The following CRNKL1 variants were observed in gnomAD, a reference collection of about 807,000 sequenced individuals.
CRNKL1 encodes the protein crooked neck pre-mRNA splicing factor 1.
Under a neutral mutation model 103.7 loss-of-function variants are expected in CRNKL1, and 35 were observed. That is an observed-to-expected ratio of 0.34 (90% CI 0.26 to 0.45). CRNKL1 has a LOEUF of 0.45. Among genes scored for constraint, CRNKL1 ranks in the 20% least tolerant of loss-of-function variants. CRNKL1 has a pLI of 1.00. For synonymous variants in CRNKL1, 267 were observed against 282.6 expected, an observed-to-expected ratio of 0.94 and a Z score of 0.55; for missense variants, 645 against 836.0, an observed-to-expected ratio of 0.77 and a Z score of 2.82.
chr20:20,038,768 C>T (rs776131445), intron 11 of CRNKL1, among the ~76,000 whole-genome samples: 8 of 152,206 alleles, frequency 5.3e-5, no homozygotes, highest in African/African-American at 2.4e-5. Context: ...TCTAGCCACA[C>T]GCAATTGAGC....
Position 20,039,503 on chromosome 20 carries a change from G to A in CRNKL1, c.1545+106C>T, listed in dbSNP as rs977616480. ...AATCTGAGTAGAAGAGACTAAGTTA[G>A]TTAGATCATCGTTATACTCTAAAAT... On this transcript the variant is annotated intron_variant, in intron 11 of 13. Transcript: ENST00000536226. The A allele has an allele frequency of 3.0e-6, 4 of 1,351,888 alleles. No homozygotes were observed. The Admixed American group carries it at 7.7e-5, about 26-fold the overall frequency. The allele number at this position is 1,351,888 out of a possible 1,614,324, so 83.7% of individuals were successfully genotyped here.
At chr20:20,053,945 C>T (rs2044009793), upstream of CRNKL1, among the ~76,000 whole-genome samples, 1 of 151,502 alleles carries the variant, frequency 6.6e-6, no homozygotes, top group African/African-American at 2.4e-5. Flanking sequence ...CTTCTGATCA[C>T]CATCCTTCTC....
At chr20:20,049,910 C>T (rs1000380367) in intron 2 of CRNKL1, among the ~76,000 whole-genome samples, 3 of 151,960 alleles carry the variant, frequency 2.0e-5, no homozygotes, top group South Asian at 2.1e-4. Flanking sequence ...CTCTGCCTCC[C>T]GAGTTGCTGT....
chr20:20,039,994 A>G (rs2043486528), intron 10 of CRNKL1, 146 bp from the exon 11 acceptor site: 2 of 800,974 alleles, frequency 2.5e-6, no homozygotes, highest in African/African-American at 1.7e-5. Context: ...GTGGTATCAC[A>G]ATGTTTACTG....
chr20:20,048,235 A>G (rs1344380806), intron 4 of CRNKL1, 108 bp downstream of exon 4: 1 of 1,273,990 alleles, frequency 7.8e-7, no homozygotes, highest in Non-Finnish European at 1.1e-6. Flanking sequence ...ATGTCTGAAG[A>G]AAAAGTAGGA....
At position 20,034,625 on chromosome 20, in the gene CRNKL1, G is replaced by A. The variant is rs1023471452; in HGVS notation, c.*1570C>T. ...TTATTTTCATCTCTCCCTGACTCTGGGTGAGCCAAAGGCTATTAAGATGAT... is the reference window on the plus strand; with the variant it reads ...TTATTTTCATCTCTCCCTGACTCTGAGTGAGCCAAAGGCTATTAAGATGAT... On this transcript the variant is annotated 3_prime_UTR_variant, in exon 14 of 14. Coordinates refer to ENST00000536226, the MANE Select transcript of CRNKL1 (RefSeq NM_001278628.2). The A allele has an allele frequency of 6.6e-6, 1 of 152,100 alleles. No homozygotes were observed. Among genetic ancestry groups the A allele is most frequent in the Admixed American group, 6.6e-5 (1 of 15,252 alleles). The allele number at this position is 152,100 out of a possible 1,614,324, so 9.4% of individuals were successfully genotyped here. A position where few individuals can be genotyped will look rare whatever the true frequency, so the allele number is the denominator to read the frequency against.
rs139045525 is a variant in CRNKL1 at position 20,037,381 on chromosome 20, A to G, written c.1838T>C (p.Val613Ala). ...GACTTTCTCTGGCATGAGTTTGTCT[A>G]CTCTCTCCTTATCTGAAGCTGTTCC... ...EFGTASDKER[V>A]DKLMPEKVKK... Residue 613 changes from valine to alanine, a missense_variant, in exon 13 of 14, where the codon GTA becomes GCA. By Grantham distance (64) the Val-to-Ala change is moderately conservative. Transcript: ENST00000536226. The G allele has an allele frequency of 3.1e-6, 5 of 1,613,728 alleles. No homozygotes were observed. Among genetic ancestry groups the G allele is most frequent in the Non-Finnish European group, 4.2e-6 (5 of 1,179,960 alleles).
rs779648844 is a variant in CRNKL1 at position 20,052,442 on chromosome 20, G to A, written c.-100C>T. 71 of 1,614,132 alleles carry A rather than the reference G, an allele frequency of 4.4e-5. 1 individual carries two copies. The highest frequency in any genetic ancestry group is 5.0e-5 in the Non-Finnish European group (59 of 1,180,054). Reference sequence around the variant, plus strand: ...CCACAAAGCTTTCAGAAAACAAACAGGATCTCGGAACCGGAAGCGGAACTT... The same window carrying A: ...CCACAAAGCTTTCAGAAAACAAACAAGATCTCGGAACCGGAAGCGGAACTT... On this transcript the variant is annotated 5_prime_UTR_variant, in exon 1 of 14. Transcript: ENST00000536226.
Position 20,036,178 on chromosome 20 carries a change from T to G in CRNKL1, c.*17A>C. On this transcript the variant is annotated 3_prime_UTR_variant, in exon 14 of 14. Transcript: ENST00000536226. Reference sequence around the variant, plus strand: ...TAATTTATAAAAATAACAAAACATTTGTCTATGAAAAAAAGATCAGGATTC... The same window carrying G: ...TAATTTATAAAAATAACAAAACATTGGTCTATGAAAAAAAGATCAGGATTC... The G allele has an allele frequency of 1.2e-6, 2 of 1,606,544 alleles. No individual in the cohort carries two copies. Among genetic ancestry groups the G allele is most frequent in the Non-Finnish European group, 1.7e-6 (2 of 1,176,366 alleles).
chr20:20,055,661 A>G (rs1300776699), upstream of CRNKL1, among the ~76,000 whole-genome samples: 3 of 152,182 alleles, frequency 2.0e-5, no homozygotes, highest in East Asian at 1.9e-4. Context: ...CAGAATTTTT[A>G]TATACTTGTA....
chr20:20,035,973 T>C lies in CRNKL1; in HGVS notation c.*222A>G. 1 of 497,950 alleles carries C rather than the reference T, an allele frequency of 2.0e-6. No individual in the cohort carries two copies. The highest frequency in any genetic ancestry group is 3.3e-5 in the East Asian group (1 of 30,090). 30.8% of individuals were successfully genotyped at this position (497,950 alleles called of 1,614,324 possible). A position where few individuals can be genotyped will look rare whatever the true frequency, so the allele number is the denominator to read the frequency against. ...GATGTGGACAGACATTAGAAAAGTT[T>C]GGACTCAGTTGGAAAAACAAATCCA... On this transcript the variant is annotated 3_prime_UTR_variant, in exon 14 of 14. Transcript: ENST00000536226.
chr20:20,051,298 G>A (rs537243489), intron 1 of CRNKL1, among the ~76,000 whole-genome samples: 19 of 152,188 alleles, frequency 1.2e-4, no homozygotes, highest in Non-Finnish European at 2.4e-4. Context: ...ATGTTGAAAT[G>A]ATAATATTTT....
At chr20:20,047,631 A>C (rs2043614040) in intron 5 of CRNKL1, 134 bp downstream of exon 5, 5 of 783,466 alleles carry the variant, frequency 6.4e-6, no homozygotes, top group Non-Finnish European at 9.5e-6. Context: ...AACATAGGGA[A>C]GCTGATAAAC....
chr20:20,043,437 T>C, intron 7 of CRNKL1, 55 bp downstream of exon 7: 1 of 1,536,602 alleles, frequency 6.5e-7, no homozygotes, highest in Admixed American at 1.7e-5. Flanking sequence ...GTTGCTAGTA[T>C]TGATGAGCAC....
upstream of CRNKL1, chr20:20,052,880 A>C (rs931630380): frequency 1.5e-6 from 1 of 680,508 alleles, no homozygotes; most frequent in Non-Finnish European, 2.5e-6. Flanking sequence ...CTCTGGGTCC[A>C]CGCCCCCTCG....
At chr20:20,048,050 A>C in intron 4 of CRNKL1, 119 bp from the exon 5 acceptor site, 1 of 1,274,596 alleles carries the variant, frequency 7.8e-7, no homozygotes, top group Non-Finnish European at 1.1e-6. Context: ...TGTCATTTGT[A>C]TGTAAATCTG....
At chr20:20,052,731 G>T, upstream of CRNKL1, 5 of 1,594,240 alleles carry the variant, frequency 3.1e-6, no homozygotes, top group Non-Finnish European at 4.3e-6. Flanking sequence ...CCCTGCAAGG[G>T]AGTAAGAACG....
chr20:20,049,291 G>T, intron 3 of CRNKL1, 49 bp downstream of exon 3: 1 of 1,019,178 alleles, frequency 9.8e-7, no homozygotes. Context: ...TTTGGTATCT[G>T]TTAATCTATG....
intron 8 of CRNKL1, among the ~76,000 whole-genome samples, chr20:20,042,082 CTTG>C (rs1450079799): frequency 1.3e-5 from 2 of 152,214 alleles, no homozygotes; most frequent in Non-Finnish European, 2.9e-5. Flanking sequence ...CAAGTGATAT[CTTG>C]TTGTGCCTCA....
Sources: allele counts gnomAD v4.1 joint callset (sites outside exome capture counted in the v4.1 genomes callset), GRCh38; gene constraint gnomAD v4.1.1; transcripts MANE v1.5; gene names NCBI Gene and HGNC (gene_info 2026-07-23, HGNC 2026-07-21).